The following NOS1AP variants were observed in gnomAD, a reference collection of about 807,000 sequenced individuals.
The protein encoded by NOS1AP is carboxyl-terminal PDZ ligand of neuronal nitric oxide synthase protein.
NOS1AP carries 21 observed loss-of-function variants against 56.2 expected under a neutral mutation model. That is an observed-to-expected ratio of 0.37 (90% confidence interval 0.26 to 0.54). The LOEUF (loss-of-function observed/expected upper bound fraction) is 0.54. Among genes scored for constraint, NOS1AP ranks in the 20% least tolerant of loss-of-function variants. NOS1AP has a pLI of 0.84. For synonymous variants in NOS1AP, 270 were observed against 274.6 expected (o/e 0.98, Z 0.17); for missense variants, 522 against 657.8 (o/e 0.79, Z 2.26).
At chr1:162,280,665 T>A (rs1443564377) in intron 2 of NOS1AP, among the ~76,000 whole-genome samples, 1 of 152,218 alleles carries the variant, frequency 6.6e-6, no homozygotes, top group Non-Finnish European at 1.5e-5. Flanking sequence ...ATAATGACAA[T>A]GAATATTTCT....
intron 2 of NOS1AP, among the ~76,000 whole-genome samples, chr1:162,214,732 C>G (rs1372774169): frequency 6.6e-6 from 1 of 152,074 alleles, no homozygotes; most frequent in African/African-American, 2.4e-5. Flanking sequence ...GTTCTTGAAT[C>G]ACTTCACAGA....
At chr1:162,320,869 A>T (rs1274249966) in intron 4 of NOS1AP, among the ~76,000 whole-genome samples, 1 of 152,120 alleles carries the variant, frequency 6.6e-6, no homozygotes, top group Non-Finnish European at 1.5e-5. Flanking sequence ...ATAAATAAAT[A>T]AAAATAAAAA....
At chr1:162,311,159 C>T (rs907793077) in intron 4 of NOS1AP, among the ~76,000 whole-genome samples, 1 of 152,094 alleles carries the variant, frequency 6.6e-6, no homozygotes, top group African/African-American at 2.4e-5. Flanking sequence ...CCACTTACTT[C>T]ACAGAAATGG....
At chr1:162,201,691 C>T (rs904731101) in intron 2 of NOS1AP, among the ~76,000 whole-genome samples, 5 of 152,148 alleles carry the variant, frequency 3.3e-5, no homozygotes, top group Non-Finnish European at 7.4e-5. Flanking sequence ...TTGCATTTCT[C>T]CGGTCAGTGA....
intron 4 of NOS1AP, among the ~76,000 whole-genome samples, chr1:162,327,604 G>A (rs548570884): frequency 4.6e-5 from 7 of 152,270 alleles, no homozygotes; most frequent in Admixed American, 4.6e-4. Context: ...ACCCAAGTAT[G>A]TTCAGGAAAT....
In NOS1AP at chr1:162,225,819, C is replaced by T. The variant is rs558303767; in HGVS notation, c.178-61525C>T. ...ACAGTCCGTAGATTACTGATGGTGT[C>T]ATTAGGATAGAATAGGCCCTATAGT... On this transcript the variant is annotated intron_variant, in intron 2 of 9. Coordinates refer to ENST00000361897, the MANE Select transcript of NOS1AP (RefSeq NM_014697.3). 4.4e-4 allele frequency among the ~76,000 whole-genome samples: 67 copies of T among 152,294 alleles called. 1 individual carries two copies. Among genetic ancestry groups the T allele is most frequent in the Admixed American group, 3.0e-3 (46 of 15,298 alleles).
At chr1:162,362,784 T>C (rs1426290622) in intron 8 of NOS1AP, among the ~76,000 whole-genome samples, 6 of 152,384 alleles carry the variant, frequency 3.9e-5, no homozygotes, top group African/African-American at 9.6e-5. Context: ...GCAGTTGTCC[T>C]GTTCCTTAGA....
intron 1 of NOS1AP, among the ~76,000 whole-genome samples, chr1:162,090,916 C>CT (rs1047246466): frequency 1.3e-5 from 2 of 152,136 alleles, no homozygotes; most frequent in Non-Finnish European, 2.9e-5. Flanking sequence ...CTTATTCTCT[C>CT]TTTTTTTATA....
chr1:162,353,744 T>C (rs1431449887), intron 6 of NOS1AP, among the ~76,000 whole-genome samples: 1 of 152,160 alleles, frequency 6.6e-6, no homozygotes, highest in Non-Finnish European at 1.5e-5. Flanking sequence ...TTCACCCTGC[T>C]TTTTCCTGTA....
intron 2 of NOS1AP, among the ~76,000 whole-genome samples, chr1:162,214,445 A>G (rs1004947728): frequency 6.6e-6 from 1 of 152,144 alleles, no homozygotes; most frequent in Non-Finnish European, 1.5e-5. Context: ...GCACGGTGGT[A>G]AAGGCTGTAC....
intron 2 of NOS1AP, 92 bp from the exon 3 acceptor site, chr1:162,287,252 G>T: frequency 3.4e-6 from 3 of 882,490 alleles, no homozygotes; most frequent in Non-Finnish European, 5.8e-6. Flanking sequence ...CCTGTCTGGG[G>T]ACCTTTTTTC....
intron 2 of NOS1AP, among the ~76,000 whole-genome samples, chr1:162,210,429 A>G (rs1389137855): frequency 6.6e-6 from 1 of 152,182 alleles, no homozygotes; most frequent in East Asian, 1.9e-4. Context: ...ATGGCTCTGA[A>G]TCAGCTGTCA....
At chr1:162,304,943 C>G (rs893824954) in intron 4 of NOS1AP, among the ~76,000 whole-genome samples, 2 of 152,102 alleles carry the variant, frequency 1.3e-5, no homozygotes, top group Non-Finnish European at 2.9e-5. Flanking sequence ...AGGGACCACT[C>G]TGGTTTGATT....
chr1:162,237,250 G>A (rs1467297137), intron 2 of NOS1AP, among the ~76,000 whole-genome samples: 2 of 152,224 alleles, frequency 1.3e-5, no homozygotes, highest in Non-Finnish European at 2.9e-5. Flanking sequence ...GCCAAAGACT[G>A]TGCTGGTGGA....
intron 2 of NOS1AP, among the ~76,000 whole-genome samples, chr1:162,224,143 A>G (rs536435070): frequency 1.3e-5 from 2 of 152,166 alleles, no homozygotes; most frequent in East Asian, 3.9e-4. Flanking sequence ...TTTTCATTCC[A>G]GATCTCAGAG....
rs1230945984 is a variant in NOS1AP at position 162,077,477 on chromosome 1, G to A, written c.105+7195G>A. Among the ~76,000 whole-genome samples, 3 of 152,042 alleles carry A rather than the reference G, an allele frequency of 2.0e-5. 1 individual carries two copies. The highest frequency in any genetic ancestry group is 1.3e-4 in the Admixed American group (2 of 15,260). The stretch of plus-strand genomic sequence containing the variant: ...GCTTTTTTACTATTGAGTTGTAAGA[G>A]TTCTTTATATATTCTGGATTCAAAT... On this transcript the variant is annotated intron_variant, in intron 1 of 9. Coordinates refer to ENST00000361897, the MANE Select transcript of NOS1AP (RefSeq NM_014697.3).
chr1:162,213,042 G>A (rs943403239), intron 2 of NOS1AP, among the ~76,000 whole-genome samples: 10 of 152,166 alleles, frequency 6.6e-5, no homozygotes, highest in African/African-American at 2.2e-4. Context: ...CTGGGGCATT[G>A]TGTCTAGGAA....
intron 2 of NOS1AP, among the ~76,000 whole-genome samples, chr1:162,260,680 TA>T (rs1247949907): frequency 5.3e-5 from 8 of 152,176 alleles, no homozygotes; most frequent in African/African-American, 1.9e-4. Context: ...CTGGAAAGGC[TA>T]AACTCTTAGT....
At chr1:162,093,525 A>T (rs902095759) in intron 1 of NOS1AP, among the ~76,000 whole-genome samples, 4 of 152,200 alleles carry the variant, frequency 2.6e-5, no homozygotes, top group Admixed American at 2.6e-4. Flanking sequence ...GGCTACATAC[A>T]GTTTAGTGGA....
Sources: allele counts gnomAD v4.1 joint callset (sites outside exome capture counted in the v4.1 genomes callset), GRCh38; gene constraint gnomAD v4.1.1; transcripts MANE v1.5; gene names NCBI Gene and HGNC (gene_info 2026-07-23, HGNC 2026-07-21).